Variants in APP observed in about 807,000 individuals in gnomAD.
APP encodes amyloid-beta precursor protein.
APP carries 31 observed loss-of-function variants against 101.4 expected under a neutral mutation model. That is an observed-to-expected ratio of 0.31 (90% CI 0.23 to 0.41). APP has a LOEUF of 0.41. Ranked by LOEUF, APP falls within the 10% of genes least tolerant of loss-of-function variation. The pLI is 1.00. For synonymous variants in APP, 366 were observed against 364.4 expected (o/e 1.00, Z -0.05); for missense variants, 839 against 1,003.7 (o/e 0.84, Z 2.22).
At chr21:26,060,181 C>T (rs2046215473) in intron 3 of APP, among the ~76,000 whole-genome samples, 1 of 152,176 alleles carries the variant, frequency 6.6e-6, no homozygotes, top group South Asian at 2.1e-4. Context: ...CTATTTCGCA[C>T]CTACTGAAGA....
intron 1 of APP, among the ~76,000 whole-genome samples, chr21:26,141,770 T>C (rs757810728): frequency 6.6e-6 from 1 of 152,130 alleles, no homozygotes; most frequent in Admixed American, 6.5e-5. Flanking sequence ...AGTTTACAAA[T>C]GAAGAAACAG....
rs1287483982 is a variant in APP at position 26,043,244 on chromosome 21, T to TTTTC, written c.662+7755_662+7756insGAAA. ...TTAGTTTTTCTTTTCTTTTCTTTTC[T>TTTTC]TTTTTTTTTGAGACAGAGTCTTGCT... is the stretch of plus-strand genomic sequence containing the variant. On this transcript the variant is annotated intron_variant, in intron 5 of 17. Coordinates refer to ENST00000346798, the MANE Select transcript of APP (RefSeq NM_000484.4). Among the ~76,000 whole-genome samples, 4 of 107,176 alleles carry TTTTC rather than the reference T, an allele frequency of 3.7e-5. No individual in the cohort carries two copies. The East Asian group carries it at 1.6e-3, about 44-fold the overall frequency. The allele number at this position is 107,176 out of a possible 152,430, so 70.3% of individuals were successfully genotyped here. A position where few individuals can be genotyped will look rare whatever the true frequency, so the allele number is the denominator to read the frequency against.
At chr21:25,978,170 A>T (rs888268137) in intron 9 of APP, among the ~76,000 whole-genome samples, 1 of 152,210 alleles carries the variant, frequency 6.6e-6, no homozygotes, top group African/African-American at 2.4e-5. Context: ...TTACTATAGA[A>T]ATTAACTCAC....
rs2044779083 is a variant in APP at position 26,030,691 on chromosome 21, A to G, written c.663-8649T>C. On this transcript the variant is annotated intron_variant, in intron 5 of 17. Coordinates refer to ENST00000346798, the MANE Select transcript of APP (RefSeq NM_000484.4). ...AACTAGAATTAAGGAGAAGCACCTA[A>G]GGTCATAAAAAGTTTTGGAGTCATT... 2.6e-5 allele frequency among the ~76,000 whole-genome samples: 4 copies of G among 152,218 alleles called. No individual in the cohort carries two copies. In the South Asian group the frequency reaches 8.3e-4, roughly 31 times the overall value.
intron 17 of APP, among the ~76,000 whole-genome samples, chr21:25,882,494 T>C (rs1214822066): frequency 6.6e-6 from 1 of 151,392 alleles, no homozygotes; most frequent in Non-Finnish European, 1.5e-5. Flanking sequence ...TCTGTTAATA[T>C]GTTGCTTTAC....
At chr21:25,916,225 C>T (rs1031652333) in intron 13 of APP, among the ~76,000 whole-genome samples, 1 of 152,182 alleles carries the variant, frequency 6.6e-6, no homozygotes, top group African/African-American at 2.4e-5. Flanking sequence ...TGGTCTCAAA[C>T]TCCTGACCTC....
At chr21:26,029,990 C>T (rs116212301) in intron 5 of APP, among the ~76,000 whole-genome samples, 1,895 of 152,178 alleles carry the variant, frequency 0.012, 38 homozygotes, top group African/African-American at 0.043. Flanking sequence ...CAAAGAGATC[C>T]GAGAAGCACT....
chr21:26,142,800 CAAA>C (rs748921494), intron 1 of APP, among the ~76,000 whole-genome samples: 10 of 150,732 alleles, frequency 6.6e-5, no homozygotes, highest in Non-Finnish European at 1.0e-4. Context: ...TGAAAAAAAA[CAAA>C]AATAGTGTCA....
At chr21:26,170,835 G>C (rs908972580), upstream of APP, 2 of 500,288 alleles carry the variant, frequency 4.0e-6, no homozygotes, top group East Asian at 3.7e-5. Flanking sequence ...CACCCCGCTC[G>C]GCACCCGAGA....
At chr21:26,021,204 C>T (rs997697613) in intron 6 of APP, among the ~76,000 whole-genome samples, 3 of 151,980 alleles carry the variant, frequency 2.0e-5, no homozygotes, top group Admixed American at 6.6e-5. Context: ...CGTGCCACCA[C>T]GCCTGGCTCA....
At chr21:26,013,077 G>A (rs2146736075) in intron 6 of APP, among the ~76,000 whole-genome samples, 1 of 152,158 alleles carries the variant, frequency 6.6e-6, no homozygotes, top group Non-Finnish European at 1.5e-5. Flanking sequence ...AGCACTTTAG[G>A]AGGCCAAGGC....
chr21:26,042,940 G>C (rs2045441413), intron 5 of APP, among the ~76,000 whole-genome samples: 2 of 151,928 alleles, frequency 1.3e-5, no homozygotes, highest in African/African-American at 2.4e-5. Context: ...CTTTAATATA[G>C]TATCTGGAAC....
chr21:26,100,087 T>C (rs1458905117), intron 2 of APP, among the ~76,000 whole-genome samples: 1 of 152,018 alleles, frequency 6.6e-6, no homozygotes, highest in African/African-American at 2.4e-5. Context: ...GGGAGAGAAA[T>C]AAAAATAAAT....
Position 26,026,459 on chromosome 21 carries a change from T to G in APP, c.663-4417A>C, listed in dbSNP as rs542899730. Among the ~76,000 whole-genome samples, 27 of 152,314 alleles carry G rather than the reference T, an allele frequency of 1.8e-4. 1 individual carries two copies. Among genetic ancestry groups the G allele is most frequent in the Admixed American group, 1.6e-3 (24 of 15,280 alleles). On this transcript the variant is annotated intron_variant, in intron 5 of 17. Coordinates refer to ENST00000346798, the MANE Select transcript of APP (RefSeq NM_000484.4). Reference sequence around the variant, plus strand: ...TGAAGGAGAAATGACATCACAAAGGTGACTCTCCTTCTGTTTCTAACTAAA... The same window carrying G: ...TGAAGGAGAAATGACATCACAAAGGGGACTCTCCTTCTGTTTCTAACTAAA...
intron 2 of APP, among the ~76,000 whole-genome samples, chr21:26,103,474 C>A (rs2062110091): frequency 0.011 from 1 of 94 alleles, no homozygotes; most frequent in Non-Finnish European, 0.022. Context: ...GTGGCGTGCA[C>A]CTTGTAATCC....
rs534156197 is a variant in APP at position 25,904,270 on chromosome 21, C to A, written c.1963+754G>T. Among the ~76,000 whole-genome samples the A allele has an allele frequency of 4.7e-4, 72 of 152,096 alleles. 1 individual carries two copies. The highest frequency in any genetic ancestry group is 9.0e-4 in the Non-Finnish European group (61 of 68,022). Reference sequence around the variant, plus strand: ...GGTGAGGTTGTTCATAGAGTAGACACCAGGCACATATATGCTTCTGCTGTG... The same window carrying A: ...GGTGAGGTTGTTCATAGAGTAGACAACAGGCACATATATGCTTCTGCTGTG... On this transcript the variant is annotated intron_variant, in intron 15 of 17. Coordinates refer to ENST00000346798, the MANE Select transcript of APP (RefSeq NM_000484.4).
intron 14 of APP, among the ~76,000 whole-genome samples, chr21:25,907,224 T>C (rs1240500880): frequency 6.6e-6 from 1 of 152,214 alleles, no homozygotes; most frequent in Non-Finnish European, 1.5e-5. Flanking sequence ...TTAGGAAGAT[T>C]AAACAAAACT....
chr21:26,141,504 A>G (rs2063044912), intron 1 of APP, among the ~76,000 whole-genome samples: 1 of 152,216 alleles, frequency 6.6e-6, no homozygotes, highest in Non-Finnish European at 1.5e-5. Context: ...TACTTTGGGG[A>G]CAAGAGCTGA....
chr21:26,119,852 G>C (rs899332214), intron 1 of APP, among the ~76,000 whole-genome samples: 3 of 152,204 alleles, frequency 2.0e-5, no homozygotes. Context: ...AGAGTGGTTT[G>C]AATGGCATTC....
Sources: allele counts gnomAD v4.1 joint callset (sites outside exome capture counted in the v4.1 genomes callset), GRCh38; gene constraint gnomAD v4.1.1; transcripts MANE v1.5; gene names NCBI Gene and HGNC (gene_info 2026-07-23, HGNC 2026-07-21).